The following NBPF11 variants were observed in gnomAD, a reference collection of about 807,000 sequenced individuals.
The protein encoded by NBPF11 is NBPF member 11, also known as NBPF family member NBPF11.
NBPF11 carries 72 observed loss-of-function variants against 93.9 expected under a neutral mutation model. The observed-to-expected ratio is 0.77, with a 90% CI of 0.63 to 0.93. The LOEUF (loss-of-function observed/expected upper bound fraction) is 0.93, where lower values mean the gene tolerates loss of function less well. Ranked by LOEUF, NBPF11 falls within the 40% of genes least tolerant of loss-of-function variation. The pLI is 0.00. For synonymous variants in NBPF11, 224 were observed against 304.9 expected, an observed-to-expected ratio of 0.73 and a Z score of 2.76; for missense variants, 705 against 802.2, an observed-to-expected ratio of 0.88 and a Z score of 1.46.
chr1:148,146,636 G>A (rs1297154785), intron 1 of NBPF11: 155 of 1,611,438 alleles, frequency 9.6e-5, no homozygotes, highest in Non-Finnish European at 1.2e-4. Context: ...TACAGCCAGC[G>A]CGAGCTGGAC....
chr1:148,142,577 C>A (rs1279331163), intron 2 of NBPF11, among the ~76,000 whole-genome samples: 1 of 152,174 alleles, frequency 6.6e-6, no homozygotes, highest in East Asian at 1.9e-4. Flanking sequence ...CTTGCACTGG[C>A]TCCCACTCCC....
intron 3 of NBPF11, among the ~76,000 whole-genome samples, chr1:148,136,505 G>A (rs1456983412): frequency 2.3e-4 from 35 of 150,130 alleles, no homozygotes; most frequent in African/African-American, 6.0e-4. Flanking sequence ...GGAGCCATAC[G>A]CAAAACAGTG....
chr1:148,146,385 G>A (rs1352193295), intron 1 of NBPF11: 6 of 1,578,180 alleles, frequency 3.8e-6, no homozygotes, highest in Non-Finnish European at 5.1e-6. Flanking sequence ...CGGCCCGGGC[G>A]GCGCCCGCCA....
At chr1:148,125,643 A>C (rs1344817832) in intron 5 of NBPF11, among the ~76,000 whole-genome samples, 1 of 152,190 alleles carries the variant, frequency 6.6e-6, no homozygotes, top group East Asian at 1.9e-4. Flanking sequence ...AGTTTGTGTT[A>C]ATTTAGAAAC....
chr1:148,105,946 A>G (rs1291765547), intron 21 of NBPF11, among the ~76,000 whole-genome samples: 1 of 144,740 alleles, frequency 6.9e-6, no homozygotes, highest in Non-Finnish European at 1.5e-5. Flanking sequence ...TGCAGTCACC[A>G]TGAGAATACA....
rs1667609378 is a variant in NBPF11 at position 148,120,659 on chromosome 1, C to A, written c.830G>T (p.Gly277Val). Reference protein sequence around the residue: ...ATNVSMVVSAGPLSSEKAEMN... With the variant: ...ATNVSMVVSAVPLSSEKAEMN... ...CTCTGCCTTCTCGCTGGACAAAGGG[C>A]CGGCTGATACCACCATGCTGACGTT... The change falls in exon 10 of 24, where the codon GGC (glycine) becomes GTC (valine). Residue 277 changes from glycine (G) to valine (V), a missense_variant. Physicochemically the swap from Gly to Val is moderately radical, Grantham distance 109 (BLOSUM62 -3). Transcript: ENST00000682118. 2.6e-6 allele frequency: 4 copies of A among 1,535,368 alleles called. No homozygotes were observed. The highest frequency in any genetic ancestry group is 1.8e-6 in the Non-Finnish European group (2 of 1,110,388).
chr1:148,142,809 T>TCCACTGTGGC, intron 2 of NBPF11, among the ~76,000 whole-genome samples: 1 of 152,040 alleles, frequency 6.6e-6, no homozygotes, highest in Non-Finnish European at 1.5e-5. Flanking sequence ...AACCAAGAAT[T>TCCACTGTGGC]CCACTGTGGC....
chr1:148,122,171 A>G lies in NBPF11; in HGVS notation c.662T>C (p.Ile221Thr), dbSNP rs1206602465. The G allele has an allele frequency of 3.7e-6, 6 of 1,607,118 alleles. No homozygotes were observed. In the South Asian group the frequency reaches 4.4e-5, roughly 12 times the overall value. The change falls in exon 9 of 24, where the codon ATC (isoleucine) becomes ACC (threonine). Residue 221 changes from isoleucine to threonine, a missense_variant. Transcript: ENST00000682118. ...CSNSHGPCDS[I>T]QPHKNIKITF... ...GATTTTGATGTTCTTGTGAGGCTGGATGGAGTCACAAGGGCCGTGGCTATT... is the reference window on the plus strand; with the variant it reads ...GATTTTGATGTTCTTGTGAGGCTGGGTGGAGTCACAAGGGCCGTGGCTATT...
chr1:148,127,950 C>T (rs1214772110), intron 4 of NBPF11, among the ~76,000 whole-genome samples: 22 of 151,664 alleles, frequency 1.5e-4, no homozygotes, highest in African/African-American at 2.7e-4. Context: ...CCACCGCACA[C>T]GGCCGACTTC....
Position 148,124,879 on chromosome 1 carries a change from C to A in NBPF11, c.278+20G>T. 6.2e-7 allele frequency: 1 copy of A among 1,607,294 alleles called. No homozygotes were observed. The highest frequency in any genetic ancestry group is 8.5e-7 in the Non-Finnish European group (1 of 1,179,912). On this transcript the variant is annotated intron_variant, in intron 6 of 23. Transcript: ENST00000682118. ...ATCTACACACCTACCTGCCTGTCTC[C>A]CCCTACGGGGTCCCCTCACCTGAGC... is the stretch of plus-strand genomic sequence containing the variant.
At chr1:148,105,721 G>GACACAGAC (rs1553267123) in intron 21 of NBPF11, among the ~76,000 whole-genome samples, 193 bp from the exon 22 acceptor site, 2 of 95,976 alleles carry the variant, frequency 2.1e-5, no homozygotes, top group African/African-American at 1.1e-4. Flanking sequence ...GAGAAAGACA[G>GACACAGAC]ACACACACAC....
intron 4 of NBPF11, among the ~76,000 whole-genome samples, chr1:148,127,822 T>TC (rs1669471181): frequency 6.6e-6 from 1 of 151,484 alleles, no homozygotes; most frequent in Admixed American, 6.5e-5. Flanking sequence ...TTTCTTTTTT[T>TC]TTTTTTTGTA....
chr1:148,134,216 C>T (rs1475796170), intron 4 of NBPF11, among the ~76,000 whole-genome samples: 1 of 151,272 alleles, frequency 6.6e-6, no homozygotes, highest in Non-Finnish European at 1.5e-5. Flanking sequence ...GCTAAAGGAA[C>T]AAAGGTAAAT....
Position 148,149,816 on chromosome 1 carries a change from C to T in NBPF11, c.-549+1934G>A, listed in dbSNP as rs1411889824. Among the ~76,000 whole-genome samples the T allele has an allele frequency of 4.6e-5, 7 of 151,508 alleles. 1 individual carries two copies. Among genetic ancestry groups the T allele is most frequent in the South Asian group, 2.1e-4 (1 of 4,778 alleles). ...AAAAAAAAAAAAGATTTAACAGGCA[C>T]TTCATAAAAGAGGACATATAAATGG... On this transcript the variant is annotated intron_variant, in intron 1 of 23. Coordinates refer to ENST00000682118, the MANE Select transcript of NBPF11 (RefSeq NM_001385469.3).
chr1:148,124,073 G>A lies in NBPF11; in HGVS notation c.279-6C>T, dbSNP rs1421599570. The stretch of plus-strand genomic sequence containing the variant: ...GAACCAGGACTTTATATTGCCTAAG[G>A]TGAGACGGTAGAGAAAATTTAACAG... On this transcript the variant is annotated splice_polypyrimidine_tract_variant and splice_region_variant and intron_variant, in intron 6 of 23. Transcript: ENST00000682118. 1.2e-5 allele frequency: 19 copies of A among 1,605,618 alleles called. No individual in the cohort carries two copies. Among genetic ancestry groups the A allele is most frequent in the Non-Finnish European group, 1.6e-5 (19 of 1,174,542 alleles).
chr1:148,129,311 A>G (rs1288849089), intron 4 of NBPF11, among the ~76,000 whole-genome samples: 12 of 146,950 alleles, frequency 8.2e-5, no homozygotes, highest in Admixed American at 4.8e-4. Context: ...GTATATATAT[A>G]TTATATATAT....
Position 148,115,162 on chromosome 1 carries a change from CACAAAAAAAAAA to C in NBPF11, c.1585+619_1585+630del, listed in dbSNP as rs1666182555. Among the ~76,000 whole-genome samples, 55 of 15,168 alleles carry C rather than the reference CACAAAAAAAAAA, an allele frequency of 3.6e-3. 1 individual carries two copies. Among genetic ancestry groups the C allele is most frequent in the African/African-American group, 0.028 (54 of 1,950 alleles). 10.0% of individuals were successfully genotyped at this position (15,168 alleles called of 152,430 possible). A position where few individuals can be genotyped will look rare whatever the true frequency, so the allele number is the denominator to read the frequency against. Reference sequence around the variant, plus strand: ...CCTAGGTGACAGAGCAGGACTCCATCACAAAAAAAAAAAAAAAAAAAAAAAAAAAAAAAAAAA... The same window carrying C: ...CCTAGGTGACAGAGCAGGACTCCATCAAAAAAAAAAAAAAAAAAAAAAAAA... On this transcript the variant is annotated intron_variant, in intron 14 of 23. Coordinates refer to ENST00000682118, the MANE Select transcript of NBPF11 (RefSeq NM_001385469.3).
intron 1 of NBPF11, among the ~76,000 whole-genome samples, chr1:148,145,683 G>A (rs1211507219): frequency 6.6e-6 from 1 of 151,490 alleles, no homozygotes; most frequent in East Asian, 2.0e-4. Context: ...ATTCCGTATC[G>A]GGCTATGCAA....
intron 12 of NBPF11, 125 bp from the exon 13 acceptor site, chr1:148,116,660 GT>G (rs1666630659): frequency 1.7e-6 from 1 of 591,850 alleles, no homozygotes; most frequent in African/African-American, 1.9e-5. Context: ...AAACTCTCAT[GT>G]TTTATCTTTA....
Sources: gnomAD v4.1 joint callset for allele counts (sites outside exome capture counted in the v4.1 genomes callset) on GRCh38, gnomAD v4.1.1 for gene constraint, MANE v1.5 for transcripts, NCBI Gene and HGNC (gene_info 2026-07-23, HGNC 2026-07-21) for gene names.